GALNT13: variants seen among roughly 807,000 people sequenced by gnomAD.
GALNT13 encodes UDP-GalNAc:polypeptide N-acetylgalactosaminyltransferase 13.
A neutral mutation model predicts 64.2 loss-of-function variants in GALNT13; 28 were observed. The ratio of observed to expected loss-of-function variants is 0.44; its 90% CI spans 0.32 to 0.60. The LOEUF is 0.60. Among genes scored for constraint, GALNT13 ranks in the 20% least tolerant of loss-of-function variants. The probability of loss-of-function intolerance (pLI) is 0.05; values close to 1 mark genes in which losing one functional copy is unlikely to be tolerated. For synonymous variants in GALNT13, 214 were observed against 224.6 expected, an observed-to-expected ratio of 0.95 and a Z score of 0.42; for missense variants, 577 against 669.8, an observed-to-expected ratio of 0.86 and a Z score of 1.53.
At chr2:154,015,598 T>C (rs1348904286) in intron 3 of GALNT13, among the ~76,000 whole-genome samples, 1 of 152,224 alleles carries the variant, frequency 6.6e-6, no homozygotes, top group African/African-American at 2.4e-5. Context: ...TTTAAACTAT[T>C]TTCTGTCCAC....
At chr2:153,728,425 A>C in the GALNT13 span, among the ~76,000 whole-genome samples, 3 of 152,150 alleles carry the variant, frequency 2.0e-5, no homozygotes, top group South Asian at 2.1e-4. Context: ...TGACTTTTTT[A>C]AAGAAGTTAT....
the GALNT13 span, among the ~76,000 whole-genome samples, chr2:153,411,598 A>G: frequency 6.6e-6 from 1 of 152,170 alleles, no homozygotes; most frequent in African/African-American, 2.4e-5. Context: ...TCACTGGGGT[A>G]GTAGCATGAG....
intron 9 of GALNT13, among the ~76,000 whole-genome samples, chr2:154,384,759 A>T (rs961349866): frequency 3.3e-5 from 5 of 151,948 alleles, no homozygotes; most frequent in African/African-American, 1.2e-4. Context: ...CATTAAGAAG[A>T]TTGACAATCC....
chr2:153,346,436 A>T, the GALNT13 span, among the ~76,000 whole-genome samples: 2 of 152,198 alleles, frequency 1.3e-5, no homozygotes, highest in African/African-American at 4.8e-5. Flanking sequence ...CTGCACTGAC[A>T]GTCCTTTGAG....
At chr2:154,108,096 T>C (rs1379723927) in intron 3 of GALNT13, among the ~76,000 whole-genome samples, 1 of 152,122 alleles carries the variant, frequency 6.6e-6, no homozygotes, top group Admixed American at 6.6e-5. Context: ...CAAATTCAAA[T>C]CTTTTGGATA....
chr2:153,235,790 T>C, the GALNT13 span, among the ~76,000 whole-genome samples: 1 of 152,142 alleles, frequency 6.6e-6, no homozygotes, highest in East Asian at 1.9e-4. Flanking sequence ...ATGACCACCC[T>C]ATCTAACCAA....
At chr2:153,135,244 C>G in the GALNT13 span, among the ~76,000 whole-genome samples, 2 of 152,048 alleles carry the variant, frequency 1.3e-5, no homozygotes. Context: ...AGGGCTCTAC[C>G]CTTATGACCT....
chr2:153,532,647 T>C, the GALNT13 span, among the ~76,000 whole-genome samples: 1 of 152,220 alleles, frequency 6.6e-6, no homozygotes, highest in Non-Finnish European at 1.5e-5. Context: ...GCTTTGTCTT[T>C]ATAAGTTTCA....
chr2:154,289,262 G>A lies in GALNT13; in HGVS notation c.976-12147G>A, dbSNP rs567276842. On this transcript the variant is annotated intron_variant, in intron 8 of 12. Transcript: ENST00000392825. ...TCCCAAGACTGCATAAAGCAATAAGGCCCTGGGCTGGCCTATGAAAAATTT... is the reference window on the plus strand; with the variant it reads ...TCCCAAGACTGCATAAAGCAATAAGACCCTGGGCTGGCCTATGAAAAATTT... Among the ~76,000 whole-genome samples the A allele has an allele frequency of 2.0e-5, 3 of 152,190 alleles. No homozygotes were observed. In the South Asian group the frequency reaches 6.2e-4, roughly 31 times the overall value.
At chr2:153,452,506 T>C in the GALNT13 span, among the ~76,000 whole-genome samples, 1 of 151,854 alleles carries the variant, frequency 6.6e-6, no homozygotes. Flanking sequence ...ATGAGTATCA[T>C]ATGAATTTAG....
rs528062987 is a variant in GALNT13 at position 154,013,838 on chromosome 2, A to G, written c.142+69199A>G. On this transcript the variant is annotated intron_variant, in intron 3 of 12. Coordinates refer to ENST00000392825, the MANE Select transcript of GALNT13 (RefSeq NM_052917.4). The stretch of plus-strand genomic sequence containing the variant: ...GGTCGGCCCTTGCGCACACACTGCC[A>G]AAGCAGTGAGGGGAGGCTGCAGTGA... Among the ~76,000 whole-genome samples the G allele has an allele frequency of 1.4e-4, 21 of 152,254 alleles. No homozygotes were observed. The East Asian group carries it at 4.1e-3, about 30-fold the overall frequency.
At chr2:153,714,605 T>C in the GALNT13 span, among the ~76,000 whole-genome samples, 2 of 152,202 alleles carry the variant, frequency 1.3e-5, no homozygotes, top group South Asian at 2.1e-4. Flanking sequence ...TTTGCAATGT[T>C]ATAATTAAGG....
chr2:153,635,406 A>ATATATACACATATATATGTATATG, the GALNT13 span, among the ~76,000 whole-genome samples: 3 of 137,934 alleles, frequency 2.2e-5, no homozygotes, highest in Non-Finnish European at 4.7e-5. Context: ...ATGTATATAT[A>ATATATACACATATATATGTATATG]TATATATATA....
chr2:153,338,345 A>G, the GALNT13 span, among the ~76,000 whole-genome samples: 1 of 152,144 alleles, frequency 6.6e-6, no homozygotes, highest in Non-Finnish European at 1.5e-5. Context: ...AAGATAAAAC[A>G]AAAATAAAAC....
At chr2:153,746,366 TTTG>T in the GALNT13 span, among the ~76,000 whole-genome samples, 1 of 152,200 alleles carries the variant, frequency 6.6e-6, no homozygotes, top group Non-Finnish European at 1.5e-5. Flanking sequence ...CATTAATGGT[TTTG>T]TTGTGATATA....
At chr2:153,535,198 C>T in the GALNT13 span, among the ~76,000 whole-genome samples, 28 of 151,912 alleles carry the variant, frequency 1.8e-4, no homozygotes, top group African/African-American at 4.6e-4. Flanking sequence ...TGATTGGTGA[C>T]GGCCCGGATA....
the GALNT13 span, among the ~76,000 whole-genome samples, chr2:153,285,135 G>A: frequency 6.6e-6 from 1 of 151,944 alleles, no homozygotes; most frequent in African/African-American, 2.4e-5. Context: ...TTCACAGGGC[G>A]GCAGGAGAGA....
the GALNT13 span, among the ~76,000 whole-genome samples, chr2:153,503,036 G>T: frequency 1.3e-5 from 2 of 152,132 alleles, no homozygotes; most frequent in South Asian, 4.1e-4. Flanking sequence ...TGGGTTGTCT[G>T]TTAACTCTGC....
chr2:153,513,204 G>A, the GALNT13 span, among the ~76,000 whole-genome samples: 14 of 151,838 alleles, frequency 9.2e-5, no homozygotes, highest in East Asian at 5.8e-4. Context: ...TATATTTCTC[G>A]TAGACAACTT....
Sources: allele counts gnomAD v4.1 joint callset (sites outside exome capture counted in the v4.1 genomes callset), GRCh38; gene constraint gnomAD v4.1.1; transcripts MANE v1.5; gene names NCBI Gene and HGNC (gene_info 2026-07-23, HGNC 2026-07-21).